SRD5A1: variants seen among roughly 807,000 people sequenced by gnomAD.
The protein encoded by SRD5A1 is steroid 5 alpha-reductase 1, also known as 3-oxo-5-alpha-steroid 4-dehydrogenase 1.
SRD5A1 carries 22 observed loss-of-function variants against 28.2 expected under a neutral mutation model. The observed-to-expected ratio is 0.78, with a 90% CI of 0.56 to 1.12. The LOEUF (loss-of-function observed/expected upper bound fraction) is 1.12, where lower values mean the gene tolerates loss of function less well. SRD5A1 is among the 50% of genes most tolerant of loss of function. SRD5A1 has a pLI of 0.00. For missense variants in SRD5A1, 300 were observed against 346.7 expected, an observed-to-expected ratio of 0.87 and a Z score of 1.07; for synonymous variants, 151 against 135.0, an observed-to-expected ratio of 1.12 and a Z score of -0.82.
intron 1 of SRD5A1, among the ~76,000 whole-genome samples, chr5:6,637,399 C>T (rs772964569): frequency 6.6e-6 from 1 of 152,156 alleles, no homozygotes; most frequent in Admixed American, 6.5e-5. Context: ...CCCCACTGGT[C>T]TTTCTCTACC....
chr5:6,666,799 G>C (rs1056383194), intron 4 of SRD5A1, among the ~76,000 whole-genome samples: 1 of 151,562 alleles, frequency 6.6e-6, no homozygotes, highest in Admixed American at 6.6e-5. Flanking sequence ...CCAGCCTGGT[G>C]GGGGGGCGCG....
intron 1 of SRD5A1, among the ~76,000 whole-genome samples, chr5:6,640,236 T>A (rs1224012660): frequency 6.6e-6 from 1 of 152,216 alleles, no homozygotes; most frequent in East Asian, 1.9e-4. Flanking sequence ...GGGATAATAG[T>A]CACAGTTTTG....
chr5:6,637,047 C>G (rs1357358455), intron 1 of SRD5A1, among the ~76,000 whole-genome samples: 1 of 152,106 alleles, frequency 6.6e-6, no homozygotes. Context: ...TTGCCTGCCT[C>G]CTATCTGTGC....
chr5:6,633,967 C>T, intron 1 of SRD5A1, 98 bp downstream of exon 1: 2 of 1,331,628 alleles, frequency 1.5e-6, no homozygotes, highest in Non-Finnish European at 2.1e-6. Flanking sequence ...GAAGCCTCCC[C>T]CACCCAGATG....
chr5:6,668,293 C>T lies in SRD5A1; in HGVS notation c.*25C>T. On this transcript the variant is annotated 3_prime_UTR_variant, in exon 5 of 5. Transcript: ENST00000274192. ...AGTGCGTTTTTCATGAAATTATCTT[C>T]AACTTGAAGCTTTCCAATGGCGCTT... The T allele has an allele frequency of 1.5e-6, 2 of 1,378,658 alleles. No homozygotes were observed. The highest frequency in any genetic ancestry group is 1.3e-5 in the South Asian group (1 of 78,832). The allele number at this position is 1,378,658 out of a possible 1,614,324, so 85.4% of individuals were successfully genotyped here.
At chr5:6,650,959 C>T (rs901177778) in intron 1 of SRD5A1, among the ~76,000 whole-genome samples, 2 of 152,050 alleles carry the variant, frequency 1.3e-5, no homozygotes, top group Non-Finnish European at 2.9e-5. Flanking sequence ...CCCCGATTTA[C>T]ATTTAAGCTC....
In SRD5A1 at chr5:6,633,467, G is replaced by A. The variant is rs902631204; in HGVS notation, c.-110G>A. On this transcript the variant is annotated 5_prime_UTR_variant, in exon 1 of 5. Coordinates refer to ENST00000274192, the MANE Select transcript of SRD5A1 (RefSeq NM_001047.4). ...TTTCTGCAGAGTCCCGGCAGTGCGG[G>A]ACTCCGGTAGCCGCCCCTCCGGTAG... 3.2e-6 allele frequency: 4 copies of A among 1,244,294 alleles called. No homozygotes were observed. Among genetic ancestry groups the A allele is most frequent in the Non-Finnish European group, 4.2e-6 (4 of 950,788 alleles). 77.1% of individuals were successfully genotyped at this position (1,244,294 alleles called of 1,614,324 possible). A position where few individuals can be genotyped will look rare whatever the true frequency, so the allele number is the denominator to read the frequency against.
intron 1 of SRD5A1, chr5:6,644,833 A>G (rs1339329871): frequency 1.5e-5 from 7 of 455,344 alleles, no homozygotes; most frequent in Non-Finnish European, 2.6e-5. Context: ...AAGCACTTGC[A>G]GTGTGCCTAC....
chr5:6,636,356 G>T (rs1359094760), intron 1 of SRD5A1, among the ~76,000 whole-genome samples: 1 of 152,184 alleles, frequency 6.6e-6, no homozygotes, highest in Admixed American at 6.5e-5. Context: ...CACACCCGGT[G>T]AGAGGAGGCT....
chr5:6,667,829 G>A (rs954612639), intron 4 of SRD5A1, among the ~76,000 whole-genome samples: 1 of 152,154 alleles, frequency 6.6e-6, no homozygotes, highest in East Asian at 1.9e-4. Context: ...AACTGCTGGA[G>A]TCACCAGCAG....
Position 6,633,860 on chromosome 5 carries a change from A to G in SRD5A1, c.284A>G (p.Tyr95Cys), listed in dbSNP as rs1738076234. ...CTCCTGGCCATGTTCCTCGTCCACT[A>G]CGGGCATCGGTAACGTCCCCGGCCC... Reference protein sequence around the residue: ...CILLAMFLVHYGHRCLIYPFL... With the variant: ...CILLAMFLVHCGHRCLIYPFL... The change falls in exon 1 of 5, where the codon TAC (tyrosine) becomes TGC (cysteine). Residue 95 changes from tyrosine (Y) to cysteine (C), a missense_variant. Around this residue, in one of 2 missense-constraint regions of SRD5A1, gnomAD observed 174 missense variants for 160.9 expected, o/e 1.08. Coordinates refer to ENST00000274192, the MANE Select transcript of SRD5A1 (RefSeq NM_001047.4). 1 of 1,596,846 alleles carries G rather than the reference A, an allele frequency of 6.3e-7. No individual in the cohort carries two copies. Among genetic ancestry groups the G allele is most frequent in the African/African-American group, 1.3e-5 (1 of 74,820 alleles).
At chr5:6,634,705 G>C (rs1044138781) in intron 1 of SRD5A1, among the ~76,000 whole-genome samples, 1 of 152,296 alleles carries the variant, frequency 6.6e-6, no homozygotes, top group South Asian at 2.1e-4. Flanking sequence ...TTAAACAAAC[G>C]AAGTCTTAAA....
chr5:6,664,765 G>T (rs951743867), intron 4 of SRD5A1, among the ~76,000 whole-genome samples: 2 of 152,178 alleles, frequency 1.3e-5, no homozygotes, highest in East Asian at 3.9e-4. Flanking sequence ...GCAGCGCCCC[G>T]CATTCTTCGA....
At chr5:6,648,414 A>G (rs1451644255) in intron 1 of SRD5A1, among the ~76,000 whole-genome samples, 1 of 152,192 alleles carries the variant, frequency 6.6e-6, no homozygotes, top group Non-Finnish European at 1.5e-5. Flanking sequence ...TTCAGGTACA[A>G]GAGTCAAACG....
chr5:6,633,584 C>T lies in SRD5A1; in HGVS notation c.8C>T (p.Thr3Met), dbSNP rs1031127266. The T allele has an allele frequency of 3.0e-5, 46 of 1,517,760 alleles. No homozygotes were observed. Among genetic ancestry groups the T allele is most frequent in the Non-Finnish European group, 4.0e-5 (46 of 1,140,342 alleles). 94.0% of individuals were successfully genotyped at this position (1,517,760 alleles called of 1,614,324 possible). A position where few individuals can be genotyped will look rare whatever the true frequency, so the allele number is the denominator to read the frequency against. MA[T>M]ATGVAEERLL... Reference sequence around the variant, plus strand: ...CGCTGCCCAGCCCTGGCGATGGCAACGGCGACGGGGGTGGCGGAGGAGCGC... The same window carrying T: ...CGCTGCCCAGCCCTGGCGATGGCAATGGCGACGGGGGTGGCGGAGGAGCGC... The change falls in exon 1 of 5, where the codon ACG becomes ATG. Residue 3 changes from threonine (T) to methionine (M), a missense_variant. By Grantham distance (81) the Thr-to-Met change is moderately conservative (BLOSUM62 -1). Coordinates refer to ENST00000274192, the MANE Select transcript of SRD5A1 (RefSeq NM_001047.4).
chr5:6,658,475 TA>T (rs1282485840), intron 3 of SRD5A1, among the ~76,000 whole-genome samples: 1 of 152,230 alleles, frequency 6.6e-6, no homozygotes. Context: ...CCACAGCATG[TA>T]GCCGCCTTCC....
intron 2 of SRD5A1, chr5:6,653,508 T>G (rs1005051594): frequency 5.3e-5 from 8 of 152,196 alleles, no homozygotes; most frequent in African/African-American, 1.9e-4. Flanking sequence ...CCATGTTCTC[T>G]GAGGCAGAAA....
intron 2 of SRD5A1, among the ~76,000 whole-genome samples, chr5:6,655,280 A>G (rs1479441055): frequency 6.6e-6 from 1 of 152,214 alleles, no homozygotes; most frequent in Non-Finnish European, 1.5e-5. Context: ...CTTTTTATCA[A>G]TATTTCTTTT....
At chr5:6,656,014 TG>T in intron 2 of SRD5A1, 63 bp from the exon 3 acceptor site, 1 of 1,215,990 alleles carries the variant, frequency 8.2e-7, no homozygotes, top group East Asian at 2.3e-5. Context: ...TCAGTCAGGC[TG>T]GGGCTCGTAG....
Sources: gnomAD v4.1 joint callset for allele counts (sites outside exome capture counted in the v4.1 genomes callset) on GRCh38, gnomAD v4.1.1 for gene constraint, gnomAD v4.1.1 regional missense constraint, MANE v1.5 for transcripts, NCBI Gene and HGNC (gene_info 2026-07-23, HGNC 2026-07-21) for gene names.